The following MBOAT2 variants were observed in gnomAD, a reference collection of about 807,000 sequenced individuals.
MBOAT2 encodes membrane-bound glycerophospholipid O-acyltransferase 2.
A neutral mutation model predicts 63.4 loss-of-function variants in MBOAT2; 28 were observed. That is an observed-to-expected ratio of 0.44 (90% confidence interval 0.33 to 0.61). The LOEUF is 0.61. Ranked by LOEUF, MBOAT2 falls within the 20% of genes least tolerant of loss-of-function variation. MBOAT2 has a pLI of 0.03. For missense variants in MBOAT2, 470 were observed against 605.8 expected (o/e 0.78, Z 2.35); for synonymous variants, 211 against 215.6 (o/e 0.98, Z 0.19).
chr2:8,979,554 C>A (rs768608273), intron 1 of MBOAT2, among the ~76,000 whole-genome samples: 7 of 152,082 alleles, frequency 4.6e-5, no homozygotes, highest in Non-Finnish European at 8.8e-5. Context: ...ATCAGCTTAA[C>A]AAGTATGTGT....
chr2:8,962,923 G>A (rs1457944845), intron 1 of MBOAT2, among the ~76,000 whole-genome samples: 1 of 152,008 alleles, frequency 6.6e-6, no homozygotes, highest in Non-Finnish European at 1.5e-5. Flanking sequence ...ACTCCTAAAC[G>A]CCAGTAGGAG....
chr2:8,889,199 TC>T (rs776585639), intron 4 of MBOAT2, among the ~76,000 whole-genome samples: 19 of 152,218 alleles, frequency 1.2e-4, no homozygotes, highest in Non-Finnish European at 1.9e-4. Flanking sequence ...CCTGCTCTCT[TC>T]CAGCAGTCCA....
intron 6 of MBOAT2, among the ~76,000 whole-genome samples, chr2:8,879,373 A>T (rs1370416525): frequency 2.0e-5 from 3 of 152,210 alleles, no homozygotes; most frequent in Non-Finnish European, 4.4e-5. Flanking sequence ...AAACCATGAA[A>T]CTGGCTTAAG....
chr2:8,933,788 C>T (rs1427502847), intron 3 of MBOAT2, among the ~76,000 whole-genome samples: 1 of 152,050 alleles, frequency 6.6e-6, no homozygotes, highest in Non-Finnish European at 1.5e-5. Flanking sequence ...CAAAGTAATG[C>T]CTTTATTTAG....
intron 4 of MBOAT2, among the ~76,000 whole-genome samples, chr2:8,899,214 C>T (rs999454196): frequency 2.6e-5 from 4 of 152,134 alleles, no homozygotes; most frequent in Non-Finnish European, 5.9e-5. Context: ...GTAACTTGTT[C>T]CCCATATTCA....
At chr2:8,896,470 T>G (rs954047638) in intron 4 of MBOAT2, among the ~76,000 whole-genome samples, 1 of 152,136 alleles carries the variant, frequency 6.6e-6, no homozygotes, top group East Asian at 1.9e-4. Context: ...AGAGTAAGGA[T>G]AGATTTCGTC....
In MBOAT2 at chr2:8,862,170, G is replaced by C. The variant is rs946035746; in HGVS notation, c.1185+420C>G. 6.0e-6 allele frequency: 3 copies of C among 503,596 alleles called. No individual in the cohort carries two copies. The highest frequency in any genetic ancestry group is 9.3e-6 in the Non-Finnish European group (3 of 322,946). 31.2% of individuals were successfully genotyped at this position (503,596 alleles called of 1,614,324 possible). ...CTCTAAAGAACTGTGTCCTCTTCCA[G>C]TGTGGCTCATCCACTGTCTTGGCCT... On this transcript the variant is annotated intron_variant, in intron 11 of 12. Transcript: ENST00000305997. The surrounding 1 kb of genome is among the most constrained non-coding windows in gnomAD (Gnocchi z 4.3).
At chr2:8,970,944 G>C (rs1670402711) in intron 1 of MBOAT2, among the ~76,000 whole-genome samples, 2 of 152,094 alleles carry the variant, frequency 1.3e-5, no homozygotes, top group African/African-American at 4.8e-5. Context: ...GGTACAAGGA[G>C]GAACTGGTAC....
At chr2:8,973,819 C>G (rs934501331) in intron 1 of MBOAT2, among the ~76,000 whole-genome samples, 1 of 152,058 alleles carries the variant, frequency 6.6e-6, no homozygotes, top group African/African-American at 2.4e-5. Flanking sequence ...TCTGTACTGT[C>G]AAGTGTATAA....
At chr2:8,962,841 G>A (rs1669707345) in intron 1 of MBOAT2, among the ~76,000 whole-genome samples, 1 of 152,008 alleles carries the variant, frequency 6.6e-6, no homozygotes. Flanking sequence ...AAGTAACAAT[G>A]TGGAAGGAAA....
At chr2:8,965,362 C>A (rs890179815) in intron 1 of MBOAT2, among the ~76,000 whole-genome samples, 2 of 152,086 alleles carry the variant, frequency 1.3e-5, no homozygotes, top group African/African-American at 4.8e-5. Context: ...ATCCTCAATG[C>A]TCATGTGAGA....
chr2:8,954,926 CAAT>C (rs1163982735), intron 2 of MBOAT2, among the ~76,000 whole-genome samples: 1 of 152,198 alleles, frequency 6.6e-6, no homozygotes, highest in Non-Finnish European at 1.5e-5. Context: ...GGGCACCCAA[CAAT>C]GACACAGGTG....
chr2:8,913,389 T>C (rs894081367), intron 3 of MBOAT2, among the ~76,000 whole-genome samples: 4 of 148,586 alleles, frequency 2.7e-5, no homozygotes, highest in Non-Finnish European at 6.0e-5. Flanking sequence ...GTCAGCAGAG[T>C]AAACAGGCAA....
intron 4 of MBOAT2, among the ~76,000 whole-genome samples, chr2:8,889,685 A>G (rs938467598): frequency 5.3e-5 from 8 of 152,264 alleles, no homozygotes; most frequent in African/African-American, 1.9e-4. Flanking sequence ...GGTGAGTTAT[A>G]AAATTCTCTT....
intron 12 of MBOAT2, 53 bp from the exon 13 acceptor site, chr2:8,858,957 ATAAC>A: frequency 7.7e-7 from 1 of 1,299,116 alleles, no homozygotes; most frequent in Admixed American, 1.9e-5. Context: ...ATAATCCTTA[ATAAC>A]TGCACACTTG....
chr2:8,978,004 C>T (rs985247582), intron 1 of MBOAT2, among the ~76,000 whole-genome samples: 14 of 152,112 alleles, frequency 9.2e-5, no homozygotes, highest in African/African-American at 3.4e-4. Flanking sequence ...TTTAAGGTCC[C>T]CATTTCCTCT....
In MBOAT2 at chr2:8,858,878, A is replaced by G; in HGVS notation, c.1364T>C (p.Leu455Pro). Residue 455 changes from leucine (L) to proline (P), a missense_variant, in exon 13 of 13, where the codon CTT becomes CCT. This residue lies in a region of MBOAT2 where 90 missense variants were observed against 84.9 expected (regional missense o/e 1.06). Transcript: ENST00000305997. ...YSSWYYCLHILGILVLLLLPV... is the reference protein window; with the variant it reads ...YSSWYYCLHIPGILVLLLLPV... Reference sequence around the variant, plus strand: ...CAACAACAATAATACTAAGATACCAAGAATGTGCAGGCAATAATACCAGGA... The same window carrying G: ...CAACAACAATAATACTAAGATACCAGGAATGTGCAGGCAATAATACCAGGA... 1 of 1,612,238 alleles carries G rather than the reference A, an allele frequency of 6.2e-7. No homozygotes were observed. The highest frequency in any genetic ancestry group is 8.5e-7 in the Non-Finnish European group (1 of 1,179,528).
intron 4 of MBOAT2, among the ~76,000 whole-genome samples, chr2:8,892,876 G>C (rs919038854): frequency 1.1e-4 from 17 of 152,120 alleles, no homozygotes; most frequent in Admixed American, 1.3e-4. Context: ...AGGAGGACAG[G>C]AACAGAAGCT....
At chr2:8,947,431 CAA>C (rs1668493227) in intron 2 of MBOAT2, among the ~76,000 whole-genome samples, 1 of 152,122 alleles carries the variant, frequency 6.6e-6, no homozygotes, top group African/African-American at 2.4e-5. Context: ...CTACACTAAG[CAA>C]AAGATTTTCA....
Sources: gnomAD v4.1 joint callset for allele counts (sites outside exome capture counted in the v4.1 genomes callset) on GRCh38, gnomAD v4.1.1 for gene constraint, gnomAD v4.1.1 regional missense constraint, Gnocchi (gnomAD v3.1) non-coding constraint, MANE v1.5 for transcripts, NCBI Gene and HGNC (gene_info 2026-07-23, HGNC 2026-07-21) for gene names.